Variants in ZNF722 observed in about 807,000 individuals in gnomAD.
The protein encoded by ZNF722 is zinc finger protein 722, also known as zinc finger protein 479 pseudogene.
At chr7:64,006,717 G>A in the ZNF722 span, among the ~76,000 whole-genome samples, 2 of 151,608 alleles carry the variant, frequency 1.3e-5, no homozygotes, top group Admixed American at 6.6e-5. Context: ...AGTAATTTCT[G>A]TTTCATTGGT....
the ZNF722 span, chr7:64,016,041 AAG>A: frequency 2.8e-6 from 2 of 723,384 alleles, no homozygotes; most frequent in Non-Finnish European, 4.3e-6. Flanking sequence ...AATAGAAAAT[AAG>A]AGAATCCATA....
chr7:64,006,684 T>C, the ZNF722 span, among the ~76,000 whole-genome samples: 1 of 152,154 alleles, frequency 6.6e-6, no homozygotes, highest in Non-Finnish European at 1.5e-5. Context: ...TTTTTTTGCA[T>C]CATGTCTAAA....
chr7:64,014,366 A>T, the ZNF722 span, among the ~76,000 whole-genome samples: 2 of 151,838 alleles, frequency 1.3e-5, no homozygotes, highest in Admixed American at 6.6e-5. Flanking sequence ...GAAAATTTTG[A>T]TTTTTTTGAT....
the ZNF722 span, among the ~76,000 whole-genome samples, chr7:64,011,714 A>G: frequency 6.6e-6 from 1 of 151,760 alleles, no homozygotes; most frequent in East Asian, 1.9e-4. Context: ...GGTGAATCTG[A>G]CAATTATGTG....
chr7:64,017,573 C>T, the ZNF722 span, among the ~76,000 whole-genome samples: 1 of 152,170 alleles, frequency 6.6e-6, no homozygotes, highest in Non-Finnish European at 1.5e-5. Context: ...GAAGCAGATG[C>T]TCAAACTTTG....
the ZNF722 span, among the ~76,000 whole-genome samples, chr7:64,003,943 T>TTA: frequency 6.6e-6 from 1 of 152,144 alleles, no homozygotes; most frequent in African/African-American, 2.4e-5. Context: ...AAATGCTCAT[T>TTA]TATACAGAAT....
chr7:64,004,425 A>AAAAAAAAAAAAAAAAAAAAATATAT, the ZNF722 span, among the ~76,000 whole-genome samples: 2 of 61,120 alleles, frequency 3.3e-5, no homozygotes, highest in African/African-American at 1.6e-4. Context: ...AAAAAAAAAA[A>AAAAAAAAAAAAAAAAAAAAATATAT]ATATATATAT....
chr7:64,003,490 A>C, the ZNF722 span, among the ~76,000 whole-genome samples: 1 of 152,150 alleles, frequency 6.6e-6, no homozygotes, highest in Non-Finnish European at 1.5e-5. Flanking sequence ...AGGAAAAGAA[A>C]AAAATCACTT....
At chr7:63,999,050 G>T in the ZNF722 span, 4 of 1,548,678 alleles carry the variant, frequency 2.6e-6, no homozygotes, top group Non-Finnish European at 3.6e-6. Context: ...GGTTGGAACC[G>T]GCTGAAAGTG....
chr7:64,015,298 G>A, the ZNF722 span: 1 of 1,262,048 alleles, frequency 7.9e-7, no homozygotes, highest in African/African-American at 1.5e-5. Flanking sequence ...CATGAAACAA[G>A]ATATACTGGA....
At chr7:64,002,220 C>T in the ZNF722 span, among the ~76,000 whole-genome samples, 8 of 152,200 alleles carry the variant, frequency 5.3e-5, no homozygotes, top group African/African-American at 1.9e-4. Flanking sequence ...CATTTCAGCT[C>T]TGATTTTGGT....
At chr7:64,002,094 G>A in the ZNF722 span, among the ~76,000 whole-genome samples, 1 of 152,028 alleles carries the variant, frequency 6.6e-6, no homozygotes, top group African/African-American at 2.4e-5. Context: ...CGTTGGCCAG[G>A]CTGGTCTCAA....
At chr7:64,012,878 G>A in the ZNF722 span, among the ~76,000 whole-genome samples, 1 of 152,128 alleles carries the variant, frequency 6.6e-6, no homozygotes, top group African/African-American at 2.4e-5. Flanking sequence ...GGTAATCATA[G>A]AGTTCTCACT....
the ZNF722 span, among the ~76,000 whole-genome samples, chr7:64,000,436 C>CTTTTTA: frequency 4.2e-5 from 1 of 23,674 alleles, no homozygotes; most frequent in Non-Finnish European, 6.9e-5. Flanking sequence ...CATGCCCGGC[C>CTTTTTA]TTTTTTTTTT....
the ZNF722 span, among the ~76,000 whole-genome samples, chr7:64,007,230 G>GTATATATA: frequency 5.0e-3 from 694 of 138,472 alleles, 18 homozygotes; most frequent in African/African-American, 0.019. Context: ...GTTTGTGTGT[G>GTATATATA]TATATATATA....
chr7:64,006,548 T>C, the ZNF722 span, among the ~76,000 whole-genome samples: 1 of 152,230 alleles, frequency 6.6e-6, no homozygotes, highest in Admixed American at 6.5e-5. Context: ...AAGTTCACAG[T>C]GTGAGCCAGA....
chr7:64,002,216 A>C, the ZNF722 span, among the ~76,000 whole-genome samples: 1 of 152,058 alleles, frequency 6.6e-6, no homozygotes, highest in African/African-American at 2.4e-5. Context: ...TCTTCATTTC[A>C]GCTCTGATTT....
chr7:64,005,568 CTG>C, the ZNF722 span: 6 of 821,816 alleles, frequency 7.3e-6, no homozygotes, highest in Non-Finnish European at 1.2e-5. Context: ...CACATGGTAA[CTG>C]TGTTCATGAG....
chr7:64,013,437 G>C, the ZNF722 span, among the ~76,000 whole-genome samples: 1 of 151,432 alleles, frequency 6.6e-6, no homozygotes, highest in African/African-American at 2.4e-5. Flanking sequence ...TCTTTTGTGT[G>C]TCTATAAAGA....
Sources: gnomAD v4.1 joint callset for allele counts (sites outside exome capture counted in the v4.1 genomes callset) on GRCh38, gnomAD v4.1.1 for gene constraint, MANE v1.5 for transcripts, NCBI Gene and HGNC (gene_info 2026-07-23, HGNC 2026-07-21) for gene names.